The following SLC35F4 variants were observed in gnomAD, a reference collection of about 807,000 sequenced individuals.
The protein encoded by SLC35F4 is chromosome 14 open reading frame 36.
Under a neutral mutation model 44.2 loss-of-function variants are expected in SLC35F4, and 24 were observed. The ratio of observed to expected loss-of-function variants is 0.54; its 90% confidence interval spans 0.39 to 0.76. The LOEUF (loss-of-function observed/expected upper bound fraction) is 0.76, where lower values mean the gene tolerates loss of function less well. SLC35F4 is among the 30% of genes least tolerant of loss of function. The probability of loss-of-function intolerance (pLI) is 0.00; values close to 1 mark genes in which losing one functional copy is unlikely to be tolerated. For synonymous variants in SLC35F4, 238 were observed against 223.6 expected (o/e 1.06, Z -0.57); for missense variants, 562 against 586.1 (o/e 0.96, Z 0.42).
rs2070013043 is a variant in SLC35F4 at position 57,589,439 on chromosome 14, TGCA to T, written c.361_363del (p.Cys121del). The T allele has an allele frequency of 1.2e-6, 2 of 1,613,866 alleles. No individual in the cohort carries two copies. The highest frequency in any genetic ancestry group is 2.2e-5 in the South Asian group (2 of 91,072). On this transcript the variant is annotated inframe_deletion, in exon 3 of 8. Transcript: ENST00000556826. Reference sequence around the variant, plus strand: ...CAGATGCCCTTCAGAACCATGGACGTGCAGGACAGGCAGCGAGCCTTGATTCTG... The same window carrying T: ...CAGATGCCCTTCAGAACCATGGACGTGGACAGGCAGCGAGCCTTGATTCTG...
In SLC35F4 at chr14:57,904,281, C is replaced by T. The variant is rs577788882; in HGVS notation, n.282+77632G>A. 3.3e-5 allele frequency among the ~76,000 whole-genome samples: 5 copies of T among 152,238 alleles called. No homozygotes were observed. In the East Asian group the frequency reaches 7.7e-4, roughly 24 times the overall value. ...TGGTGGTAGAAGAAAAAACAACAAC[C>T]AAAACAACCATAACCCTCTCTCCTG... On this transcript the variant is annotated intron_variant and non_coding_transcript_variant, in intron 1 of 1. Transcript: ENST00000556568.
intron 3 of SLC35F4, among the ~76,000 whole-genome samples, chr14:57,584,817 T>TGA: frequency 6.6e-6 from 1 of 152,296 alleles, no homozygotes; most frequent in African/African-American, 2.4e-5. Flanking sequence ...GATACTTCTT[T>TGA]TTATATAAAA....
chr14:57,739,640 A>C (rs1353913448), intron 1 of SLC35F4, among the ~76,000 whole-genome samples: 1 of 152,172 alleles, frequency 6.6e-6, no homozygotes, highest in Non-Finnish European at 1.5e-5. Flanking sequence ...TGGGCCTGGC[A>C]TCCTTCTTGA....
chr14:57,641,802 A>C (rs1337196443), intron 1 of SLC35F4, among the ~76,000 whole-genome samples: 1 of 152,010 alleles, frequency 6.6e-6, no homozygotes, highest in Non-Finnish European at 1.5e-5. Context: ...CCTTGCACAG[A>C]CCTATTTATG....
intron 1 of SLC35F4, among the ~76,000 whole-genome samples, chr14:57,817,372 C>G (rs1885060): frequency 0.058 from 8,814 of 152,128 alleles, 485 homozygotes; most frequent in East Asian, 0.13. Flanking sequence ...AGCATCCTCC[C>G]TCTTATTAGA....
chr14:57,919,250 T>C (rs1889392087), intron 1 of SLC35F4, among the ~76,000 whole-genome samples: 1 of 152,174 alleles, frequency 6.6e-6, no homozygotes. Context: ...AGCCACTAAA[T>C]GTTTGAGATT....
Position 57,758,011 on chromosome 14 carries a change from G to A in SLC35F4, c.103+107712C>T, listed in dbSNP as rs960641524. Reference sequence around the variant, plus strand: ...TAGGATTATAGGTTCATGTGTGTGTGTGTGTGTGTGTGTGTGTGTGTGTGT... The same window carrying A: ...TAGGATTATAGGTTCATGTGTGTGTATGTGTGTGTGTGTGTGTGTGTGTGT... On this transcript the variant is annotated intron_variant, in intron 1 of 7. Transcript: ENST00000556826. Among the ~76,000 whole-genome samples, 312 of 149,850 alleles carry A rather than the reference G, an allele frequency of 2.1e-3. 2 individuals are homozygous for A. The highest frequency in any genetic ancestry group is 0.01 in the Middle Eastern group (3 of 294).
downstream of SLC35F4, chr14:57,976,724 C>T (rs1280801335): frequency 6.6e-6 from 1 of 152,204 alleles, no homozygotes; most frequent in African/African-American, 2.4e-5. Flanking sequence ...ATCAACTCAG[C>T]CTGTGACACT....
At chr14:57,906,618 G>A (rs1425132457) in intron 1 of SLC35F4, among the ~76,000 whole-genome samples, 2 of 152,128 alleles carry the variant, frequency 1.3e-5, no homozygotes, top group African/African-American at 4.8e-5. Flanking sequence ...TAAAAAGTAT[G>A]CATATTCAAA....
intron 1 of SLC35F4, among the ~76,000 whole-genome samples, chr14:57,896,506 T>C (rs182157571): frequency 1.0e-3 from 153 of 152,314 alleles, no homozygotes; most frequent in African/African-American, 3.6e-3. Context: ...CTTCTTGATC[T>C]GGGCAGTGCC....
chr14:57,777,629 C>T lies in SLC35F4; in HGVS notation c.103+88094G>A, dbSNP rs111455035. On this transcript the variant is annotated intron_variant, in intron 1 of 7. Coordinates refer to ENST00000556826, the MANE Select transcript of SLC35F4 (RefSeq NM_001306087.2). ...ACATCACAAACAGAGAGGCCTGTCG[C>T]GGGGGTGAGGGGCTGGGGGAGGGAT... Among the ~76,000 whole-genome samples the T allele has an allele frequency of 3.0e-3, 450 of 150,640 alleles. 1 individual carries two copies. Among genetic ancestry groups the T allele is most frequent in the African/African-American group, 8.9e-3 (365 of 41,056 alleles).
chr14:57,888,049 TC>T (rs1297659974), intron 1 of SLC35F4, among the ~76,000 whole-genome samples: 2 of 152,030 alleles, frequency 1.3e-5, no homozygotes, highest in Non-Finnish European at 2.9e-5. Flanking sequence ...CTTTTAAAAG[TC>T]CCCCATGGAG....
At chr14:57,790,539 C>T (rs539928870) in intron 1 of SLC35F4, among the ~76,000 whole-genome samples, 6 of 152,048 alleles carry the variant, frequency 3.9e-5, no homozygotes, top group Non-Finnish European at 8.8e-5. Flanking sequence ...AGAATCAATA[C>T]TGTGAAAATG....
intron 1 of SLC35F4, among the ~76,000 whole-genome samples, chr14:57,609,647 T>C (rs1162742840): frequency 6.6e-6 from 1 of 152,232 alleles, no homozygotes; most frequent in Non-Finnish European, 1.5e-5. Context: ...GAGGCAGCTC[T>C]TGCAGTTTGT....
At chr14:57,839,612 A>T (rs1225848868) in intron 1 of SLC35F4, among the ~76,000 whole-genome samples, 1 of 152,044 alleles carries the variant, frequency 6.6e-6, no homozygotes, top group Non-Finnish European at 1.5e-5. Context: ...AGGCGGGGAG[A>T]GAGGGAGAGC....
In SLC35F4 at chr14:57,581,406, A is replaced by G. The variant is rs1566640745; in HGVS notation, c.615T>C (p.Asp205=). Residue 205 remains aspartate (D), a synonymous_variant, in exon 4 of 8, where the codon GAT becomes GAC. Coordinates refer to ENST00000556826, the MANE Select transcript of SLC35F4 (RefSeq NM_001306087.2). ...FRECSRIFGE[D]GLTLKLFLKR... ...TAAGAAAGAGTTTCAGCGTCAGACC[A>G]TCTTCACCAAAAATCCGACTGCATT... 6.2e-6 allele frequency: 10 copies of G among 1,611,886 alleles called. No homozygotes were observed. Among genetic ancestry groups the G allele is most frequent in the South Asian group, 1.1e-5 (1 of 90,418 alleles).
intron 2 of SLC35F4, among the ~76,000 whole-genome samples, chr14:57,591,799 A>G (rs929324496): frequency 6.6e-6 from 1 of 152,234 alleles, no homozygotes; most frequent in Non-Finnish European, 1.5e-5. Flanking sequence ...GGTGTACCCT[A>G]CTACACTTCA....
At chr14:57,649,863 T>A (rs573194265) in intron 1 of SLC35F4, among the ~76,000 whole-genome samples, 6 of 152,156 alleles carry the variant, frequency 3.9e-5, no homozygotes, top group South Asian at 2.1e-4. Flanking sequence ...ATTTCAAAAG[T>A]TTTTCTGGGG....
chr14:57,593,151 G>A (rs921123821), intron 2 of SLC35F4, among the ~76,000 whole-genome samples: 4 of 152,172 alleles, frequency 2.6e-5, no homozygotes, highest in Non-Finnish European at 5.9e-5. Flanking sequence ...GCGTACAACT[G>A]TTTGCTCTTT....
Sources: allele counts gnomAD v4.1 joint callset (sites outside exome capture counted in the v4.1 genomes callset), GRCh38; gene constraint gnomAD v4.1.1; transcripts MANE v1.5; gene names NCBI Gene and HGNC (gene_info 2026-07-23, HGNC 2026-07-21).